Variants in EYA4 observed in about 807,000 individuals in gnomAD.
EYA4 encodes the protein EYA transcriptional coactivator and phosphatase 4.
EYA4 carries 31 observed loss-of-function variants against 87.9 expected under a neutral mutation model. That is an observed-to-expected ratio of 0.35 (90% CI 0.27 to 0.48). The LOEUF is 0.48. Among genes scored for constraint, EYA4 ranks in the 20% least tolerant of loss-of-function variants. EYA4 has a pLI of 0.99. For missense variants in EYA4, 678 were observed against 761.4 expected (o/e 0.89, Z 1.29); for synonymous variants, 263 against 270.6 (o/e 0.97, Z 0.28).
chr6:133,393,853 C>CT (rs969607780), intron 3 of EYA4, among the ~76,000 whole-genome samples: 1 of 152,174 alleles, frequency 6.6e-6, no homozygotes, highest in African/African-American at 2.4e-5. Context: ...GATCAGAAGG[C>CT]TTCAAGATTC....
At chr6:133,526,291 A>G (rs1473625771) in intron 19 of EYA4, among the ~76,000 whole-genome samples, 5 of 152,190 alleles carry the variant, frequency 3.3e-5, no homozygotes, top group Admixed American at 2.0e-4. Context: ...ACTGTTTTAC[A>G]TAGAAAGAAT....
At chr6:133,511,371 C>T (rs1799120240) in intron 14 of EYA4, among the ~76,000 whole-genome samples, 1 of 151,966 alleles carries the variant, frequency 6.6e-6, no homozygotes, top group Non-Finnish European at 1.5e-5. Context: ...TAGTCAGAAG[C>T]TGTAAGTATG....
At chr6:133,370,934 C>G (rs1785220627) in intron 2 of EYA4, among the ~76,000 whole-genome samples, 2 of 151,528 alleles carry the variant, frequency 1.3e-5, no homozygotes. Flanking sequence ...TGAGGTTTAC[C>G]TTCCTTTAGA....
At chr6:133,356,837 C>G (rs968866616) in intron 2 of EYA4, among the ~76,000 whole-genome samples, 1 of 151,154 alleles carries the variant, frequency 6.6e-6, no homozygotes, top group African/African-American at 2.4e-5. Flanking sequence ...GATTCTCACT[C>G]TGTTGCCCAG....
intron 18 of EYA4, 76 bp downstream of exon 18, chr6:133,523,253 A>G: frequency 1.4e-6 from 2 of 1,470,454 alleles, no homozygotes; most frequent in South Asian, 1.1e-5. Flanking sequence ...TTTTTCAGCA[A>G]TTTCACTTAG....
intron 2 of EYA4, among the ~76,000 whole-genome samples, chr6:133,342,606 A>ATATATATATATATATATATAT (rs1554230276): frequency 1.9e-5 from 1 of 53,966 alleles, no homozygotes; most frequent in Non-Finnish European, 3.9e-5. Context: ...TATATATATA[A>ATATATATATATATATATATAT]TTCTTTATAT....
At chr6:133,466,198 A>G (rs1426994102) in intron 10 of EYA4, among the ~76,000 whole-genome samples, 1 of 152,164 alleles carries the variant, frequency 6.6e-6, no homozygotes, top group Non-Finnish European at 1.5e-5. Context: ...AATATACACT[A>G]GGCAGAGTTG....
At chr6:133,376,563 G>C (rs1785700544) in intron 2 of EYA4, among the ~76,000 whole-genome samples, 1 of 151,678 alleles carries the variant, frequency 6.6e-6, no homozygotes. Flanking sequence ...TGGGATAATT[G>C]AGCCCAGCTA....
chr6:133,337,146 G>C (rs1206284817), intron 2 of EYA4, among the ~76,000 whole-genome samples: 3 of 152,078 alleles, frequency 2.0e-5, no homozygotes, highest in African/African-American at 7.2e-5. Flanking sequence ...CCTCCAGCGG[G>C]AACCTGGGGC....
At chr6:133,342,665 C>A (rs1276997191) in intron 2 of EYA4, among the ~76,000 whole-genome samples, 1 of 146,002 alleles carries the variant, frequency 6.8e-6, no homozygotes, top group Non-Finnish European at 1.5e-5. Context: ...ATTTATCATT[C>A]ATACAATAAT....
chr6:133,376,384 C>G (rs970142945), intron 2 of EYA4, among the ~76,000 whole-genome samples: 8 of 151,782 alleles, frequency 5.3e-5, no homozygotes, highest in Admixed American at 1.3e-4. Flanking sequence ...CTTTTGTTTT[C>G]AGTGTATAGT....
At chr6:133,272,402 A>G (rs945608619) in intron 1 of EYA4, among the ~76,000 whole-genome samples, 14 of 152,190 alleles carry the variant, frequency 9.2e-5, no homozygotes. Context: ...AAACCTGATC[A>G]CATATATGCT....
intron 3 of EYA4, among the ~76,000 whole-genome samples, chr6:133,388,687 T>C (rs1786986870): frequency 6.6e-6 from 1 of 152,198 alleles, no homozygotes; most frequent in African/African-American, 2.4e-5. Context: ...ATTATGTGTT[T>C]AAATTGAAGA....
chr6:133,484,226 A>G (rs2128714470), intron 13 of EYA4, among the ~76,000 whole-genome samples: 1 of 152,284 alleles, frequency 6.6e-6, no homozygotes, highest in African/African-American at 2.4e-5. Flanking sequence ...CAGTTACTAT[A>G]CTCAAAGTTG....
intron 3 of EYA4, among the ~76,000 whole-genome samples, chr6:133,420,411 G>A (rs745374132): frequency 5.3e-5 from 8 of 152,100 alleles, no homozygotes; most frequent in Non-Finnish European, 1.2e-4. Flanking sequence ...TGAAAGCATC[G>A]TCTCAAACAT....
At chr6:133,413,650 A>T (rs1046780726) in intron 3 of EYA4, among the ~76,000 whole-genome samples, 5 of 151,950 alleles carry the variant, frequency 3.3e-5, no homozygotes, top group Non-Finnish European at 5.9e-5. Flanking sequence ...TATCACTTGT[A>T]TCTTTTTACT....
intron 3 of EYA4, among the ~76,000 whole-genome samples, chr6:133,408,386 C>T (rs1788914078): frequency 6.6e-6 from 1 of 152,064 alleles, no homozygotes; most frequent in African/African-American, 2.4e-5. Context: ...ATAGTCTTGT[C>T]CTCTTGAATG....
chr6:133,461,810 CTTTTT>C (rs11450141), intron 7 of EYA4, among the ~76,000 whole-genome samples: 1 of 129,932 alleles, frequency 7.7e-6, no homozygotes, highest in African/African-American at 2.9e-5. Context: ...AATGATGTTC[CTTTTT>C]TTTTTTTTTT....
intron 2 of EYA4, among the ~76,000 whole-genome samples, chr6:133,324,627 A>T (rs1462710444): frequency 2.0e-5 from 3 of 152,108 alleles, no homozygotes; most frequent in Non-Finnish European, 4.4e-5. Context: ...ATTGAGAAAG[A>T]GGATCCTTGT....
Sources: allele counts gnomAD v4.1 joint callset (sites outside exome capture counted in the v4.1 genomes callset), GRCh38; gene constraint gnomAD v4.1.1; transcripts MANE v1.5; gene names NCBI Gene and HGNC (gene_info 2026-07-23, HGNC 2026-07-21).